The following DYNC2H1 variants were observed in gnomAD, a reference collection of about 807,000 sequenced individuals.
DYNC2H1 encodes the protein dynein cytoplasmic 2 heavy chain 1.
In DYNC2H1, 410 loss-of-function variants were observed where a neutral mutation model predicts 570.0. The ratio of observed to expected loss-of-function variants is 0.72; its 90% CI spans 0.66 to 0.78. The LOEUF (loss-of-function observed/expected upper bound fraction) is 0.78. DYNC2H1 is among the 30% of genes least tolerant of loss of function. The pLI, the probability that DYNC2H1 is intolerant of heterozygous loss-of-function variation, is 0.00. For missense variants in DYNC2H1, 4,865 were observed against 5,046.4 expected (o/e 0.96, Z 1.09); for synonymous variants, 1,688 against 1,677.6 (o/e 1.01, Z -0.15).
intron 82 of DYNC2H1, among the ~76,000 whole-genome samples, chr11:103,346,852 A>C (rs922963365): frequency 6.6e-6 from 1 of 152,188 alleles, no homozygotes; most frequent in African/African-American, 2.4e-5. Flanking sequence ...TTATTTCACA[A>C]ACTCTAATAA....
rs1166432953 is a variant in DYNC2H1, at chr11:103,204,120, G to C, written c.8311+344G>C. On this transcript the variant is annotated intron_variant, in intron 51 of 88. Transcript: ENST00000375735. This position sits in a 1 kb window ranked among gnomAD's most constrained non-coding sequence, Gnocchi z 4.1. ...TACATGGATGGCAGCAAGCAAAGGAGGGCTTGTGCAGAAAAACTCCTGTTT... is the reference window on the plus strand; with the variant it reads ...TACATGGATGGCAGCAAGCAAAGGACGGCTTGTGCAGAAAAACTCCTGTTT... 6.6e-6 allele frequency among the ~76,000 whole-genome samples: 1 copy of C among 152,044 alleles called. No individual in the cohort carries two copies. The highest frequency in any genetic ancestry group is 1.5e-5 in the Non-Finnish European group (1 of 68,006).
intron 79 of DYNC2H1, among the ~76,000 whole-genome samples, chr11:103,315,619 G>A (rs1029322163): frequency 2.6e-5 from 4 of 151,838 alleles, no homozygotes; most frequent in African/African-American, 7.3e-5. Flanking sequence ...ATCTTTGTAT[G>A]TCACCCCTCT....
rs1053900234 is a variant in DYNC2H1, at chr11:103,233,642, A to G, written c.9441-392A>G. Among the ~76,000 whole-genome samples the G allele has an allele frequency of 2.0e-5, 3 of 151,986 alleles. No homozygotes were observed. The East Asian group carries it at 5.8e-4, about 29-fold the overall frequency. On this transcript the variant is annotated intron_variant, in intron 60 of 88. Transcript: ENST00000375735. ...ATGAAGGATAGGATATTTACTGATA[A>G]TGTAAAATTCTTCCGATATTGACAT...
At chr11:103,474,203 C>G (rs983369949) in intron 88 of DYNC2H1, 1 of 156,540 alleles carries the variant, frequency 6.4e-6, no homozygotes, top group Non-Finnish European at 1.4e-5. Flanking sequence ...AGAACAAAGT[C>G]AGAGTATTCA....
intron 82 of DYNC2H1, among the ~76,000 whole-genome samples, chr11:103,341,232 A>G (rs1034430142): frequency 3.3e-5 from 5 of 152,224 alleles, no homozygotes; most frequent in Admixed American, 3.3e-4. Context: ...AACTATTCAA[A>G]TAATTCTCTT....
At position 103,255,409 on chromosome 11, in the gene DYNC2H1, C is replaced by T; in HGVS notation, c.10207-6C>T. The T allele has an allele frequency of 6.5e-7, 1 of 1,549,996 alleles. No homozygotes were observed. Among genetic ancestry groups the T allele is most frequent in the Non-Finnish European group, 8.7e-7 (1 of 1,147,296 alleles). On this transcript the variant is annotated splice_polypyrimidine_tract_variant and splice_region_variant and intron_variant, in intron 66 of 88. Coordinates refer to ENST00000375735, the MANE Select transcript of DYNC2H1 (RefSeq NM_001377.3). ...TAGAATTACCTTGTCTTTTTGTTAT[C>T]CCAAGCTTTTAGCTTTAACCATTCA...
chr11:103,164,225 G>A (rs372293390), intron 30 of DYNC2H1, among the ~76,000 whole-genome samples: 1 of 151,982 alleles, frequency 6.6e-6, no homozygotes, highest in African/African-American at 2.4e-5. Context: ...TTGGGTTAGG[G>A]AAATGACAAT....
chr11:103,442,591 C>T (rs1188526758), intron 85 of DYNC2H1, among the ~76,000 whole-genome samples: 1 of 152,086 alleles, frequency 6.6e-6, no homozygotes, highest in African/African-American at 2.4e-5. Context: ...CAATGATATG[C>T]AGTTTTACAG....
intron 85 of DYNC2H1, among the ~76,000 whole-genome samples, chr11:103,443,043 G>A (rs917224426): frequency 2.0e-5 from 3 of 150,928 alleles, no homozygotes; most frequent in Non-Finnish European, 4.4e-5. Context: ...TAACAAAAGA[G>A]TTGCTAAATG....
At position 103,255,535 on chromosome 11, in the gene DYNC2H1, G is replaced by T; in HGVS notation, c.10326+1G>T. On this transcript the variant is annotated splice_donor_variant, in intron 67 of 88. Coordinates refer to ENST00000375735, the MANE Select transcript of DYNC2H1 (RefSeq NM_001377.3). LOFTEE classifies it high-confidence loss of function. ...CAAGCTCGAAGAATCTCTTCTAGAGGTAAAAGTCTAGCTATTTAGGTTACT... is the reference window on the plus strand; with the variant it reads ...CAAGCTCGAAGAATCTCTTCTAGAGTTAAAAGTCTAGCTATTTAGGTTACT... 1 of 1,540,624 alleles carries T rather than the reference G, an allele frequency of 6.5e-7. No homozygotes were observed. Among genetic ancestry groups the T allele is most frequent in the South Asian group, 1.2e-5 (1 of 80,356 alleles).
intron 73 of DYNC2H1, among the ~76,000 whole-genome samples, chr11:103,284,991 G>A (rs660973): frequency 0.17 from 25,272 of 152,146 alleles, 2,274 homozygotes; most frequent in Admixed American, 0.25. Flanking sequence ...AATATTGAAC[G>A]TGGAATAGAA....
At chr11:103,220,492 A>G (rs550678941) in intron 56 of DYNC2H1, 131 bp from the exon 57 acceptor site, 11 of 899,578 alleles carry the variant, frequency 1.2e-5, no homozygotes, top group South Asian at 1.0e-4. Context: ...AAGCATTTTG[A>G]TATTTTAAGA....
chr11:103,459,319 AAAAAAAAAAAAAAAG>A (rs1250321007), intron 87 of DYNC2H1, among the ~76,000 whole-genome samples: 1 of 147,658 alleles, frequency 6.8e-6, no homozygotes, highest in African/African-American at 2.5e-5. Flanking sequence ...AAAAAAAAAA[AAAAAAAAAAAAAAAG>A]GAAATTCCAT....
Position 103,134,515 on chromosome 11 carries a change from T to C in DYNC2H1, c.2205+96T>C, listed in dbSNP as rs561372615. 7.0e-6 allele frequency: 6 copies of C among 860,474 alleles called. No homozygotes were observed. The East Asian group carries it at 1.2e-4, about 17-fold the overall frequency. The allele number at this position is 860,474 out of a possible 1,614,324, so 53.3% of individuals were successfully genotyped here. A position where few individuals can be genotyped will look rare whatever the true frequency, so the allele number is the denominator to read the frequency against. On this transcript the variant is annotated intron_variant, in intron 15 of 88. Transcript: ENST00000375735. The stretch of plus-strand genomic sequence containing the variant: ...ATTGCCGAGAAGTTCATAAAAGTTA[T>C]CTTTAAATCTTACTAATAAATACCT...
At chr11:103,213,277 A>G (rs1863228926) in intron 54 of DYNC2H1, among the ~76,000 whole-genome samples, 2 of 152,130 alleles carry the variant, frequency 1.3e-5, no homozygotes, top group South Asian at 4.2e-4. Context: ...ACTATAAAAA[A>G]CAGTGACTCT....
chr11:103,283,172 C>A, intron 73 of DYNC2H1, 87 bp downstream of exon 73: 2 of 1,063,988 alleles, frequency 1.9e-6, no homozygotes, highest in Non-Finnish European at 2.7e-6. Context: ...TATTCGTAAT[C>A]AGTGTTAACA....
In DYNC2H1 at chr11:103,177,156, T is replaced by C. The variant is rs575032081; in HGVS notation, c.5875-400T>C. On this transcript the variant is annotated intron_variant, in intron 37 of 88. Transcript: ENST00000375735. This position sits in a 1 kb window ranked among gnomAD's most constrained non-coding sequence, Gnocchi z 4.4. ...AGGATTTTAAGTGAGTCTCTTTATG[T>C]AGTGCAAATAATTGTCCAAAATTAG... is the stretch of plus-strand genomic sequence containing the variant. Among the ~76,000 whole-genome samples the C allele has an allele frequency of 1.7e-4, 26 of 152,274 alleles. No individual in the cohort carries two copies. The highest frequency in any genetic ancestry group is 6.3e-4 in the African/African-American group (26 of 41,558).
intron 65 of DYNC2H1, among the ~76,000 whole-genome samples, chr11:103,250,360 A>G (rs1417212940): frequency 1.3e-5 from 2 of 152,092 alleles, no homozygotes; most frequent in Admixed American, 1.3e-4. Context: ...TTAAAATTTT[A>G]ATTTTAGATT....
At chr11:103,428,534 A>G (rs185294698) in intron 84 of DYNC2H1, among the ~76,000 whole-genome samples, 267 of 152,298 alleles carry the variant, frequency 1.8e-3, no homozygotes, top group African/African-American at 5.9e-3. Context: ...ATTTTTAAGT[A>G]TACAGTTCAG....
Sources: allele counts gnomAD v4.1 joint callset (sites outside exome capture counted in the v4.1 genomes callset), GRCh38; gene constraint gnomAD v4.1.1; non-coding constraint Gnocchi (gnomAD v3.1); transcripts MANE v1.5; gene names NCBI Gene and HGNC (gene_info 2026-07-23, HGNC 2026-07-21).